Variants in RPS6KC1 observed in about 807,000 individuals in gnomAD.
The protein encoded by RPS6KC1 is ribosomal protein S6 kinase C1, also known as inactive ribosomal protein S6 kinase delta-1.
In RPS6KC1, 54 loss-of-function variants were observed where a neutral mutation model predicts 103.8. The ratio of observed to expected loss-of-function variants is 0.52; its 90% CI spans 0.42 to 0.65. The LOEUF (loss-of-function observed/expected upper bound fraction) is 0.65. Ranked by LOEUF, RPS6KC1 falls within the 30% of genes least tolerant of loss-of-function variation. The probability of loss-of-function intolerance (pLI) is 0.00; values close to 1 mark genes in which losing one functional copy is unlikely to be tolerated. For missense variants in RPS6KC1, 1,151 were observed against 1,253.8 expected, an observed-to-expected ratio of 0.92 and a Z score of 1.24; for synonymous variants, 439 against 438.7, an observed-to-expected ratio of 1.00 and a Z score of -0.01.
chr1:213,234,015 T>TC (rs572972769), intron 10 of RPS6KC1, among the ~76,000 whole-genome samples: 7 of 118,568 alleles, frequency 5.9e-5, no homozygotes, highest in Admixed American at 2.5e-4. Flanking sequence ...TCTCTCTCTC[T>TC]TTTTTTTTTT....
At chr1:213,628,208 T>C in the RPS6KC1 span, among the ~76,000 whole-genome samples, 1 of 152,246 alleles carries the variant, frequency 6.6e-6, no homozygotes. Context: ...TTTATTTGCG[T>C]AGAGGTGTTT....
the RPS6KC1 span, among the ~76,000 whole-genome samples, chr1:213,704,403 A>AC: frequency 6.6e-6 from 1 of 151,028 alleles, no homozygotes; most frequent in Non-Finnish European, 1.5e-5. Flanking sequence ...AAAAAAAAAA[A>AC]AAAAAAAAAC....
chr1:213,707,639 T>C, the RPS6KC1 span, among the ~76,000 whole-genome samples: 1 of 152,242 alleles, frequency 6.6e-6, no homozygotes, highest in Admixed American at 6.5e-5. Flanking sequence ...TGAATGGTAT[T>C]GCCTAGGTTT....
At chr1:213,380,503 A>C in the RPS6KC1 span, among the ~76,000 whole-genome samples, 1 of 152,208 alleles carries the variant, frequency 6.6e-6, no homozygotes, top group Non-Finnish European at 1.5e-5. Context: ...AGTTAAAAAA[A>C]AGAAATTTGC....
At chr1:213,554,255 C>A in the RPS6KC1 span, among the ~76,000 whole-genome samples, 2 of 152,138 alleles carry the variant, frequency 1.3e-5, no homozygotes, top group East Asian at 3.8e-4. Context: ...CTAACCAGCT[C>A]TCCCAGCACC....
At chr1:213,056,530 A>G (rs978379880) in intron 1 of RPS6KC1, among the ~76,000 whole-genome samples, 1 of 152,262 alleles carries the variant, frequency 6.6e-6, no homozygotes, top group Admixed American at 6.5e-5. Flanking sequence ...AGTAACTGTG[A>G]TGATGTGAAC....
the RPS6KC1 span, among the ~76,000 whole-genome samples, chr1:213,384,544 G>C: frequency 6.6e-6 from 1 of 152,072 alleles, no homozygotes; most frequent in Non-Finnish European, 1.5e-5. Context: ...GGAGGGCAGA[G>C]GTGAACTGAA....
chr1:213,609,759 C>T, the RPS6KC1 span, among the ~76,000 whole-genome samples: 395 of 138,258 alleles, frequency 2.9e-3, 2 homozygotes, highest in African/African-American at 9.7e-3. Context: ...AAAGTAATGG[C>T]GGGTTTTTGC....
At chr1:213,840,049 T>G in the RPS6KC1 span, 1 of 152,162 alleles carries the variant, frequency 6.6e-6, no homozygotes, top group Non-Finnish European at 1.5e-5. Context: ...AAGCAACTCC[T>G]GTTGCCAGCT....
At chr1:213,305,251 A>C in the RPS6KC1 span, among the ~76,000 whole-genome samples, 1 of 151,224 alleles carries the variant, frequency 6.6e-6, no homozygotes, top group Non-Finnish European at 1.5e-5. Flanking sequence ...CACCCAGCTA[A>C]TTTTTTCTTA....
the RPS6KC1 span, among the ~76,000 whole-genome samples, chr1:213,514,297 G>A: frequency 3.9e-4 from 59 of 152,108 alleles, no homozygotes; most frequent in Admixed American, 1.8e-3. Flanking sequence ...TGTTACATAT[G>A]TATACATGTG....
chr1:213,840,960 G>A, the RPS6KC1 span: 2 of 152,244 alleles, frequency 1.3e-5, no homozygotes, highest in Admixed American at 1.3e-4. Flanking sequence ...CCCAGCTCAG[G>A]ATCCACAAGC....
the RPS6KC1 span, among the ~76,000 whole-genome samples, chr1:213,457,235 G>T: frequency 1.1e-3 from 173 of 152,294 alleles, no homozygotes; most frequent in African/African-American, 3.9e-3. Flanking sequence ...AGCTTTGCCT[G>T]CTGGAGCTGA....
At chr1:213,372,737 T>C in the RPS6KC1 span, among the ~76,000 whole-genome samples, 1 of 152,202 alleles carries the variant, frequency 6.6e-6, no homozygotes, top group African/African-American at 2.4e-5. Flanking sequence ...TTGGGGGTGG[T>C]ATTAAAATCT....
At chr1:213,285,461 A>G in the RPS6KC1 span, among the ~76,000 whole-genome samples, 5 of 152,244 alleles carry the variant, frequency 3.3e-5, no homozygotes, top group Admixed American at 2.0e-4. Flanking sequence ...AACTGAAATG[A>G]GAAAGACCTT....
chr1:213,303,941 C>T, the RPS6KC1 span, among the ~76,000 whole-genome samples: 2 of 152,024 alleles, frequency 1.3e-5, no homozygotes, highest in African/African-American at 2.4e-5. Context: ...CGCGGTGGCT[C>T]ACGCCTGTAA....
chr1:213,128,276 T>A (rs1027545754), intron 5 of RPS6KC1, among the ~76,000 whole-genome samples: 3 of 152,214 alleles, frequency 2.0e-5, no homozygotes, highest in Non-Finnish European at 4.4e-5. Context: ...CAATGCCACT[T>A]CTTTCACTAA....
chr1:213,718,965 C>T, the RPS6KC1 span, among the ~76,000 whole-genome samples: 6 of 152,284 alleles, frequency 3.9e-5, no homozygotes, highest in East Asian at 1.9e-4. Flanking sequence ...GAAGCAGCCC[C>T]GCCTTCAAAG....
the RPS6KC1 span, among the ~76,000 whole-genome samples, chr1:213,341,885 C>A: frequency 2.0e-5 from 3 of 152,180 alleles, no homozygotes; most frequent in Non-Finnish European, 4.4e-5. Flanking sequence ...TGGCAATCAT[C>A]GTATCTACTT....
Sources: allele counts gnomAD v4.1 joint callset (sites outside exome capture counted in the v4.1 genomes callset), GRCh38; gene constraint gnomAD v4.1.1; transcripts MANE v1.5; gene names NCBI Gene and HGNC (gene_info 2026-07-23, HGNC 2026-07-21).